C1orf167: variants seen among roughly 807,000 people sequenced by gnomAD.
C1orf167 encodes the protein uncharacterized protein C1orf167.
A neutral mutation model predicts 176.5 loss-of-function variants in C1orf167; 153 were observed. The observed-to-expected ratio is 0.87, with a 90% CI of 0.76 to 0.99. The LOEUF (loss-of-function observed/expected upper bound fraction) is 0.99. Ranked by LOEUF, C1orf167 falls within the 50% of genes least tolerant of loss-of-function variation. The pLI, the probability that C1orf167 is intolerant of heterozygous loss-of-function variation, is 0.00. For synonymous variants in C1orf167, 594 were observed against 752.7 expected (o/e 0.79, Z 3.45); for missense variants, 1,490 against 1,817.7 (o/e 0.82, Z 3.28).
At position 11,782,168 on chromosome 1, in the gene C1orf167, T is replaced by TGGG. The variant is rs1379878151; in HGVS notation, c.2861-21_2861-20insGGG. On this transcript the variant is annotated intron_variant, in intron 13 of 20. Transcript: ENST00000688073. ...GCTGGGGTGAGCACCCAGTGGCTCT[T>TGGG]CAGCATCTCTCTGGCCCCAGGGCAG... 5 of 1,253,822 alleles carry TGGG rather than the reference T, an allele frequency of 4.0e-6. No homozygotes were observed. In the Admixed American group the frequency reaches 1.1e-4, roughly 27 times the overall value. The allele number at this position is 1,253,822 out of a possible 1,614,324, so 77.7% of individuals were successfully genotyped here. A position where few individuals can be genotyped will look rare whatever the true frequency, so the allele number is the denominator to read the frequency against.
intron 15 of C1orf167, 35 bp from the exon 16 acceptor site, chr1:11,785,110 TTTA>T (rs55820567): frequency 0.11 from 136,833 of 1,267,944 alleles, 7,928 homozygotes; most frequent in South Asian, 0.17. Flanking sequence ...AGTCCTGGCC[TTTA>T]TGGCCCTGGC....
rs758532960 is a variant in C1orf167 at position 11,787,990 on chromosome 1, C to T, written c.3791C>T (p.Ser1264Phe). Residue 1264 changes from serine (S) to phenylalanine (F), a missense_variant, in exon 18 of 21, where the codon TCC becomes TTC. Physicochemically the swap from Ser to Phe is radical, Grantham distance 155. Coordinates refer to ENST00000688073, the MANE Select transcript of C1orf167 (RefSeq NM_001010881.2). ...AGGGACCAGGGACCAAGAGCGCACT[C>T]CAGCCCTGAGCCCAGAGCCTGCAAA... Reference protein sequence around the residue: ...WTRDQGPRAHSSPEPRACKAQ... With the variant: ...WTRDQGPRAHFSPEPRACKAQ... 2 of 1,304,176 alleles carry T rather than the reference C, an allele frequency of 1.5e-6. No homozygotes were observed. Among genetic ancestry groups the T allele is most frequent in the Non-Finnish European group, 2.0e-6 (2 of 988,878 alleles). The allele number at this position is 1,304,176 out of a possible 1,614,324, so 80.8% of individuals were successfully genotyped here. A position where few individuals can be genotyped will look rare whatever the true frequency, so the allele number is the denominator to read the frequency against.
intron 6 of C1orf167, among the ~76,000 whole-genome samples, chr1:11,770,072 C>T (rs938153443): frequency 6.6e-6 from 1 of 151,948 alleles, no homozygotes; most frequent in African/African-American, 2.4e-5. Context: ...TTCATCCTTT[C>T]ATAGCCCCCT....
At chr1:11,763,586 G>A (rs1430907928) in intron 1 of C1orf167, among the ~76,000 whole-genome samples, 1 of 152,220 alleles carries the variant, frequency 6.6e-6, no homozygotes, top group Non-Finnish European at 1.5e-5. Context: ...ACTGGCCCAG[G>A]CAGTAATTTG....
chr1:11,773,553 C>T (rs1643178382), intron 8 of C1orf167, among the ~76,000 whole-genome samples: 1 of 151,872 alleles, frequency 6.6e-6, no homozygotes, highest in South Asian at 2.1e-4. Flanking sequence ...ACTAAAAATA[C>T]AAAAATTTGT....
intron 6 of C1orf167, among the ~76,000 whole-genome samples, chr1:11,769,589 G>C (rs1441990081): frequency 6.6e-6 from 1 of 151,808 alleles, no homozygotes; most frequent in Admixed American, 6.6e-5. Flanking sequence ...CTGAAAAGCA[G>C]CCTAAATGCT....
In C1orf167 at chr1:11,766,293, C is replaced by A; in HGVS notation, c.507C>A (p.Ser169=). The part of the protein sequence containing the change: ...LARPSSCLRQ[S]GLPAPGTPSG... ...GCCCATCTTCCTGCCTGAGGCAGTCCGGGCTGCCGGCCCCAGGCACCCCTA... is the reference window on the plus strand; with the variant it reads ...GCCCATCTTCCTGCCTGAGGCAGTCAGGGCTGCCGGCCCCAGGCACCCCTA... The change falls in exon 3 of 21, where the codon TCC becomes TCA. Residue 169 remains serine, a synonymous_variant. Transcript: ENST00000688073. The surrounding 1 kb of genome is among the most constrained non-coding windows in gnomAD (Gnocchi z 4.5). The A allele has an allele frequency of 7.8e-7, 1 of 1,289,536 alleles. No homozygotes were observed. The highest frequency in any genetic ancestry group is 1.0e-6 in the Non-Finnish European group (1 of 988,750). The allele number at this position is 1,289,536 out of a possible 1,614,324, so 79.9% of individuals were successfully genotyped here.
chr1:11,779,913 G>A lies in C1orf167; in HGVS notation c.2763G>A (p.Gln921=). Residue 921 remains glutamine, a synonymous_variant, in exon 13 of 21, where the codon CAG becomes CAA. Transcript: ENST00000688073. The part of the protein sequence containing the change: ...TCRAVLGLWR[Q]RLLQSRLVEW... ...GGGCTGTGCTGGGCCTGTGGCGTCA[G>A]CGGCTGCTGCAGTCACGGCTGGTGG... is the stretch of plus-strand genomic sequence containing the variant. The A allele has an allele frequency of 7.7e-7, 1 of 1,302,628 alleles. No homozygotes were observed. The highest frequency in any genetic ancestry group is 1.0e-6 in the Non-Finnish European group (1 of 988,678). 80.7% of individuals were successfully genotyped at this position (1,302,628 alleles called of 1,614,324 possible).
chr1:11,785,083 G>C, intron 15 of C1orf167, 65 bp from the exon 16 acceptor site: 7 of 1,199,118 alleles, frequency 5.8e-6, no homozygotes, highest in Non-Finnish European at 7.5e-6. Context: ...AGGGCACTGG[G>C]GGGGCTCCCT....
At chr1:11,778,857 G>A (rs1367760154) in intron 11 of C1orf167, 41 bp downstream of exon 11, 1 of 1,293,510 alleles carries the variant, frequency 7.7e-7, no homozygotes, top group Non-Finnish European at 1.0e-6. Context: ...GGCAGGTAGG[G>A]GTGGATGGGT....
intron 16 of C1orf167, chr1:11,785,686 A>C (rs1643831211): frequency 6.1e-6 from 1 of 162,908 alleles, no homozygotes; most frequent in Admixed American, 5.8e-5. Flanking sequence ...CTCACGGTGC[A>C]GTTGAGGATC....
intron 15 of C1orf167, 142 bp downstream of exon 15, chr1:11,784,735 G>A: frequency 1.1e-6 from 1 of 950,028 alleles, no homozygotes; most frequent in Non-Finnish European, 1.4e-6. Flanking sequence ...ACAGGGAGAG[G>A]CCGCCCTGGC....
chr1:11,774,760 G>T (rs773364237), intron 8 of C1orf167, among the ~76,000 whole-genome samples: 7 of 152,168 alleles, frequency 4.6e-5, no homozygotes, highest in Non-Finnish European at 8.8e-5. Context: ...TGATGGTAGA[G>T]CAAGGAGGCT....
intron 6 of C1orf167, among the ~76,000 whole-genome samples, chr1:11,771,049 G>GTGTATATATATATA (rs1491322371): frequency 5.7e-5 from 2 of 34,888 alleles, no homozygotes; most frequent in African/African-American, 2.0e-4. Flanking sequence ...GTGTGTGTGT[G>GTGTATATATATATA]TATATATATA....
intron 8 of C1orf167, 67 bp from the exon 9 acceptor site, chr1:11,775,368 C>A: frequency 8.5e-7 from 1 of 1,180,042 alleles, no homozygotes; most frequent in Non-Finnish European, 1.1e-6. Context: ...CTGGCAATGG[C>A]AGGCAGCTGG....
Position 11,768,128 on chromosome 1 carries a change from G to C in C1orf167, c.1395G>C (p.Arg465Ser). ...CFRSWRHLVKRQREPAAAAVA... is the reference protein window; with the variant it reads ...CFRSWRHLVKSQREPAAAAVA... ...GATCCTGGAGGCACTTGGTGAAGAG[G>C]CAGCGGGAGCCAGCGGCGGCGGCAG... The change falls in exon 5 of 21, where the codon AGG becomes AGC. Residue 465 changes from arginine (R) to serine (S), a missense_variant. Arg to Ser is a moderately radical substitution (Grantham distance 110, BLOSUM62 -1). Transcript: ENST00000688073. The surrounding 1 kb of genome is among the most constrained non-coding windows in gnomAD (Gnocchi z 4.5). 7.8e-7 allele frequency: 1 copy of C among 1,289,700 alleles called. No homozygotes were observed. Among genetic ancestry groups the C allele is most frequent in the South Asian group, 1.2e-5 (1 of 80,990 alleles). 79.9% of individuals were successfully genotyped at this position (1,289,700 alleles called of 1,614,324 possible).
Position 11,784,463 on chromosome 1 carries a change from C to T in C1orf167, c.3295C>T (p.Gln1099Ter), listed in dbSNP as rs41275466. Residue 1099 changes from glutamine to a stop codon, truncating the protein, a stop_gained, in exon 15 of 21, where the codon CAG (glutamine) becomes TAG (stop). Coordinates refer to ENST00000688073, the MANE Select transcript of C1orf167 (RefSeq NM_001010881.2). LOFTEE classifies it high-confidence loss of function. ...PVAPGMHHEA[Q>*]QQAGESAGAQ... ...GGCCCCGGGCATGCACCATGAGGCC[C>T]AGCAGCAGGCAGGAGAGAGCGCTGG... The T allele has an allele frequency of 0.024, 31,268 of 1,303,474 alleles. 437 individuals carry two copies. Among genetic ancestry groups the T allele is most frequent in the Non-Finnish European group, 0.028 (27,327 of 988,950 alleles). The allele number at this position is 1,303,474 out of a possible 1,614,324, so 80.7% of individuals were successfully genotyped here.
intron 2 of C1orf167, among the ~76,000 whole-genome samples, chr1:11,765,383 C>A (rs1001020751): frequency 1.3e-5 from 2 of 152,132 alleles, no homozygotes; most frequent in African/African-American, 4.8e-5. Flanking sequence ...GAGCAGCTTA[C>A]CTTTAGCCGT....
At position 11,785,216 on chromosome 1, in the gene C1orf167, G is replaced by C; in HGVS notation, c.3494G>C (p.Arg1165Pro). The C allele has an allele frequency of 3.1e-6, 4 of 1,291,684 alleles. No homozygotes were observed. Among genetic ancestry groups the C allele is most frequent in the Middle Eastern group, 2.1e-4 (1 of 4,688 alleles). 80.0% of individuals were successfully genotyped at this position (1,291,684 alleles called of 1,614,324 possible). The change falls in exon 16 of 21, where the codon CGG becomes CCG. Residue 1165 changes from arginine to proline, a missense_variant. Coordinates refer to ENST00000688073, the MANE Select transcript of C1orf167 (RefSeq NM_001010881.2). ...CAGCGAGCCATCCTCACCCAGCTCCGGCCGGCTGAGCTCAGGCGCTTCCTG... is the reference window on the plus strand; with the variant it reads ...CAGCGAGCCATCCTCACCCAGCTCCCGCCGGCTGAGCTCAGGCGCTTCCTG... ...GVQRAILTQL[R>P]PAELRRFLRT... is the part of the protein sequence containing the mutation.
Sources: gnomAD v4.1 joint callset for allele counts (sites outside exome capture counted in the v4.1 genomes callset) on GRCh38, gnomAD v4.1.1 for gene constraint, Gnocchi (gnomAD v3.1) non-coding constraint, MANE v1.5 for transcripts, NCBI Gene and HGNC (gene_info 2026-07-23, HGNC 2026-07-21) for gene names.